STN1: variants seen among roughly 807,000 people sequenced by gnomAD.
STN1 encodes STN1 subunit of CST complex, also known as CST complex subunit STN1.
STN1 carries 29 observed loss-of-function variants against 45.5 expected under a neutral mutation model. The ratio of observed to expected loss-of-function variants is 0.64; its 90% CI spans 0.47 to 0.87. STN1 has a LOEUF of 0.87. Ranked by LOEUF, STN1 falls within the 40% of genes least tolerant of loss-of-function variation. The probability of loss-of-function intolerance (pLI) is 0.00; values close to 1 mark genes in which losing one functional copy is unlikely to be tolerated. For missense variants in STN1, 376 were observed against 441.4 expected (o/e 0.85, Z 1.33); for synonymous variants, 148 against 159.0 (o/e 0.93, Z 0.52).
At chr10:103,905,594 T>C (rs906548498) in intron 3 of STN1, among the ~76,000 whole-genome samples, 2 of 152,178 alleles carry the variant, frequency 1.3e-5, no homozygotes, top group Admixed American at 1.3e-4. Flanking sequence ...GCACAGGCAC[T>C]TAGGGCGCAG....
chr10:103,914,370 A>AT (rs1292355497), intron 2 of STN1, among the ~76,000 whole-genome samples: 5 of 29,054 alleles, frequency 1.7e-4, no homozygotes, highest in African/African-American at 2.6e-4. Context: ...ATATATATAT[A>AT]TATATTTTTT....
chr10:103,913,909 A>G (rs935539145), intron 2 of STN1, among the ~76,000 whole-genome samples: 1 of 152,110 alleles, frequency 6.6e-6, no homozygotes, highest in African/African-American at 2.4e-5. Flanking sequence ...CAGGCCCCCA[A>G]GAAGGAGGAG....
chr10:103,883,486 G>C (rs58543155), intron 9 of STN1, among the ~76,000 whole-genome samples: 1 of 151,716 alleles, frequency 6.6e-6, no homozygotes, highest in Non-Finnish European at 1.5e-5. Context: ...TGACTTAAAC[G>C]TTGGTAATGA....
chr10:103,912,525 GGCTTCCTTATGGCA>G (rs1411657472), intron 2 of STN1, among the ~76,000 whole-genome samples: 1 of 152,222 alleles, frequency 6.6e-6, no homozygotes, highest in Non-Finnish European at 1.5e-5. Flanking sequence ...GTCAAGGGCA[GGCTTCCTTATGGCA>G]GAAGCAAACT....
chr10:103,905,003 A>G, intron 4 of STN1, 88 bp downstream of exon 4: 2 of 1,151,384 alleles, frequency 1.7e-6, no homozygotes, highest in East Asian at 2.3e-5. Context: ...AAATGTGAAA[A>G]TTTAGCCCTA....
In STN1 at chr10:103,900,144, C is replaced by T; in HGVS notation, c.375G>A (p.Lys125=). ...KLQETIEQKT[K]IEIGDTIRVR... ...CTCGGATCGTGTCCCCGATCTCTAT[C>T]TTTGTTTTCTGCTCAATGGTCTCTT... Residue 125 remains lysine, a synonymous_variant, in exon 5 of 10, where the codon AAG becomes AAA. Transcript: ENST00000224950. The T allele has an allele frequency of 1.2e-6, 2 of 1,614,166 alleles. No homozygotes were observed. The highest frequency in any genetic ancestry group is 1.7e-6 in the Non-Finnish European group (2 of 1,180,020).
In STN1 at chr10:103,897,729, GA is replaced by G. The variant is rs768344335; in HGVS notation, c.582-11del. On this transcript the variant is annotated splice_polypyrimidine_tract_variant and intron_variant, in intron 6 of 9. Coordinates refer to ENST00000224950, the MANE Select transcript of STN1 (RefSeq NM_024928.5). ...CAGGGCGCCTGGATTGCTGCGGAGG[GA>G]AAGTTTTAAAGAGCTCTGCAGAAAA... 2 of 1,613,174 alleles carry G rather than the reference GA, an allele frequency of 1.2e-6. No individual in the cohort carries two copies. The highest frequency in any genetic ancestry group is 1.3e-5 in the African/African-American group (1 of 74,924).
chr10:103,895,243 G>A (rs1338182559), intron 7 of STN1, among the ~76,000 whole-genome samples: 2 of 152,218 alleles, frequency 1.3e-5, no homozygotes, highest in Admixed American at 6.5e-5. Flanking sequence ...AGTTTCTGCT[G>A]TAAGCATTTT....
At chr10:103,902,900 G>T (rs980148307) in intron 4 of STN1, among the ~76,000 whole-genome samples, 2 of 152,114 alleles carry the variant, frequency 1.3e-5, no homozygotes, top group African/African-American at 4.8e-5. Flanking sequence ...CAATCTTAAG[G>T]CTACCTACTG....
rs1235905975 is a variant in STN1, at chr10:103,880,061, G to A, written c.*2623C>T. Among the ~76,000 whole-genome samples the A allele has an allele frequency of 2.0e-5, 3 of 152,216 alleles. No individual in the cohort carries two copies. The highest frequency in any genetic ancestry group is 3.9e-4 in the East Asian group (2 of 5,184). On this transcript the variant is annotated 3_prime_UTR_variant, in exon 10 of 10. Coordinates refer to ENST00000224950, the MANE Select transcript of STN1 (RefSeq NM_024928.5). The stretch of plus-strand genomic sequence containing the variant: ...CGGCCCGCCCACTTCACCCGCCTGG[G>A]CCAAGTATGGCTTCCACACTGGTTG...
chr10:103,884,877 C>T (rs906639688), intron 9 of STN1, among the ~76,000 whole-genome samples: 5 of 152,136 alleles, frequency 3.3e-5, no homozygotes, highest in Non-Finnish European at 7.3e-5. Flanking sequence ...TGGCTGTGTC[C>T]ACTCATTACT....
intron 4 of STN1, among the ~76,000 whole-genome samples, chr10:103,901,394 T>G (rs572743164): frequency 6.6e-6 from 1 of 152,306 alleles, no homozygotes; most frequent in South Asian, 2.1e-4. Context: ...TACTTTCGTT[T>G]TTTTCACTAG....
Position 103,881,297 on chromosome 10 carries a change from G to A in STN1, c.*1387C>T, listed in dbSNP as rs1185791230. Among the ~76,000 whole-genome samples, 1 of 152,156 alleles carries A rather than the reference G, an allele frequency of 6.6e-6. No individual in the cohort carries two copies. Among genetic ancestry groups the A allele is most frequent in the Non-Finnish European group, 1.5e-5 (1 of 68,030 alleles). On this transcript the variant is annotated 3_prime_UTR_variant, in exon 10 of 10. Transcript: ENST00000224950. The stretch of plus-strand genomic sequence containing the variant: ...CAAGGGTATGCCCTTTTTACCTTCT[G>A]ATTCTGAACTCCTTCCTGGGCAGCC...
intron 2 of STN1, among the ~76,000 whole-genome samples, chr10:103,916,126 C>A (rs146325340): frequency 6.6e-6 from 1 of 152,170 alleles, no homozygotes; most frequent in African/African-American, 2.4e-5. Flanking sequence ...CTGCTTTAAC[C>A]GTGAGGTTTC....
At chr10:103,914,369 TATA>T (rs1220218515) in intron 2 of STN1, among the ~76,000 whole-genome samples, 196 of 8,394 alleles carry the variant, frequency 0.023, 3 homozygotes, top group East Asian at 0.083. Context: ...TATATATATA[TATA>T]TATTTTTTTT....
chr10:103,903,460 G>C (rs775691627), intron 4 of STN1, among the ~76,000 whole-genome samples: 17 of 152,190 alleles, frequency 1.1e-4, no homozygotes, highest in Non-Finnish European at 4.4e-5. Flanking sequence ...CAATGCAACA[G>C]TGTTAGAAGA....
chr10:103,883,987 G>A (rs1328906657), intron 9 of STN1, among the ~76,000 whole-genome samples: 2 of 150,232 alleles, frequency 1.3e-5, no homozygotes, highest in Non-Finnish European at 3.0e-5. Context: ...CTACTTGGGA[G>A]GTTGAGGCAG....
At chr10:103,910,945 C>T (rs1843286329) in intron 2 of STN1, among the ~76,000 whole-genome samples, 1 of 150,562 alleles carries the variant, frequency 6.6e-6, no homozygotes, top group Non-Finnish European at 1.5e-5. Flanking sequence ...ACTGGGGGAC[C>T]AAACACAGGA....
intron 7 of STN1, among the ~76,000 whole-genome samples, chr10:103,895,355 T>C (rs1275883674): frequency 6.6e-6 from 1 of 152,224 alleles, no homozygotes; most frequent in Non-Finnish European, 1.5e-5. Context: ...ATTATAGCTA[T>C]CACGGAAGAG....
Sources: gnomAD v4.1 joint callset for allele counts (sites outside exome capture counted in the v4.1 genomes callset) on GRCh38, gnomAD v4.1.1 for gene constraint, MANE v1.5 for transcripts, NCBI Gene and HGNC (gene_info 2026-07-23, HGNC 2026-07-21) for gene names.